ENKUR: variants seen among roughly 807,000 people sequenced by gnomAD.
ENKUR encodes the protein enkurin, TRPC channel interacting protein.
In ENKUR, 19 loss-of-function variants were observed where a neutral mutation model predicts 27.6. That is an observed-to-expected ratio of 0.69 (90% CI 0.48 to 1.01). The LOEUF is 1.01. Ranked by LOEUF, ENKUR falls within the 50% of genes least tolerant of loss-of-function variation. The pLI, the probability that ENKUR is intolerant of heterozygous loss-of-function variation, is 0.00. For synonymous variants in ENKUR, 117 were observed against 96.9 expected (o/e 1.21, Z -1.22); for missense variants, 312 against 310.5 (o/e 1.00, Z -0.04).
rs1444520770 is a variant in ENKUR, at chr10:24,984,432, A to G, written c.765-56T>C. ...CTGAGTGCTGACTTTATTTTTCAGGACCTAGAAATTAATGTTTATGTGAAA... is the reference window on the plus strand; with the variant it reads ...CTGAGTGCTGACTTTATTTTTCAGGGCCTAGAAATTAATGTTTATGTGAAA... On this transcript the variant is annotated intron_variant, in intron 5 of 5. Coordinates refer to ENST00000331161, the MANE Select transcript of ENKUR (RefSeq NM_145010.4). The G allele has an allele frequency of 3.2e-6, 5 of 1,547,420 alleles. No homozygotes were observed. The African/African-American group carries it at 4.2e-5, about 13-fold the overall frequency.
intron 4 of ENKUR, among the ~76,000 whole-genome samples, chr10:24,985,392 G>C (rs553305590): frequency 9.9e-5 from 15 of 152,100 alleles, no homozygotes; most frequent in African/African-American, 3.4e-4. Flanking sequence ...CTAACAAATG[G>C]GATTGTAAAA....
chr10:25,015,157 A>T (rs574407379), intron 1 of ENKUR, among the ~76,000 whole-genome samples: 1 of 152,324 alleles, frequency 6.6e-6, no homozygotes, highest in African/African-American at 2.4e-5. Context: ...AGAAGTCCCT[A>T]CAGATGGGAG....
At chr10:25,021,340 A>G (rs886820215) in intron 2 of ENKUR, among the ~76,000 whole-genome samples, 58 of 152,346 alleles carry the variant, frequency 3.8e-4, no homozygotes, top group African/African-American at 1.3e-3. Flanking sequence ...ATGAATATAT[A>G]GTGATTTTGA....
chr10:25,015,607 T>C (rs1481674736), intron 1 of ENKUR, among the ~76,000 whole-genome samples: 1 of 152,160 alleles, frequency 6.6e-6, no homozygotes, highest in Non-Finnish European at 1.5e-5. Flanking sequence ...TCACATACCG[T>C]ATTAATAAGA....
At chr10:25,058,788 A>T (rs973197058) in intron 2 of ENKUR, among the ~76,000 whole-genome samples, 4 of 152,026 alleles carry the variant, frequency 2.6e-5, no homozygotes, top group African/African-American at 9.7e-5. Context: ...AAAATTAGCC[A>T]GGTGTAGTGG....
At chr10:24,995,609 G>A in intron 3 of ENKUR, 37 bp downstream of exon 3, 1 of 1,523,280 alleles carries the variant, frequency 6.6e-7, no homozygotes. Context: ...TAAATTATTT[G>A]AATTTCAGCC....
chr10:25,027,356 T>TTAAAAAAAA (rs1564352066), intron 2 of ENKUR, among the ~76,000 whole-genome samples: 2 of 45,736 alleles, frequency 4.4e-5, no homozygotes, highest in East Asian at 6.0e-4. Context: ...GACTCCCGTC[T>TTAAAAAAAA]CAAAAAAAAA....
chr10:25,053,505 T>C (rs1851211701), intron 2 of ENKUR, among the ~76,000 whole-genome samples: 1 of 152,180 alleles, frequency 6.6e-6, no homozygotes, highest in Non-Finnish European at 1.5e-5. Flanking sequence ...TTCACTGTTT[T>C]AGATTCTGCA....
At chr10:25,023,495 T>G in intron 2 of ENKUR, 1 of 1,614,138 alleles carries the variant, frequency 6.2e-7, no homozygotes, top group Non-Finnish European at 8.5e-7. Context: ...GATGATATCC[T>G]TGAAAAAACC....
At chr10:25,045,380 G>A (rs1193178392) in intron 2 of ENKUR, among the ~76,000 whole-genome samples, 3 of 151,864 alleles carry the variant, frequency 2.0e-5, no homozygotes, top group Non-Finnish European at 2.9e-5. Context: ...AAAAGTAAGA[G>A]GATAATATGA....
intron 2 of ENKUR, chr10:25,025,447 T>G: frequency 6.3e-7 from 1 of 1,599,384 alleles, no homozygotes; most frequent in Non-Finnish European, 8.5e-7. Flanking sequence ...CCAAAATCAA[T>G]TCATATGAAA....
rs201770433 is a variant in ENKUR, at chr10:24,995,830, A to C, written c.263T>G (p.Val88Gly). ...FDRNVPKKPA[V>G]PLKTDHPVMG... ...GACAGGATGATCAGTCTTCAATGGCACAGCAGGCTTTTTGGGCACGTTCCG... is the reference window on the plus strand; with the variant it reads ...GACAGGATGATCAGTCTTCAATGGCCCAGCAGGCTTTTTGGGCACGTTCCG... The change falls in exon 3 of 6, where the codon GTG becomes GGG. Residue 88 changes from valine to glycine, a missense_variant. Physicochemically the swap from Val to Gly is moderately radical, Grantham distance 109. Coordinates refer to ENST00000331161, the MANE Select transcript of ENKUR (RefSeq NM_145010.4). 85 of 1,611,984 alleles carry C rather than the reference A, an allele frequency of 5.3e-5. No individual in the cohort carries two copies. Among genetic ancestry groups the C allele is most frequent in the Non-Finnish European group, 7.0e-5 (83 of 1,179,632 alleles).
chr10:24,990,415 G>C, intron 4 of ENKUR, 48 bp downstream of exon 4: 1 of 1,566,592 alleles, frequency 6.4e-7, no homozygotes. Context: ...CTTTCTTTCA[G>C]AGATGATCCA....
intron 2 of ENKUR, among the ~76,000 whole-genome samples, chr10:25,041,680 C>G (rs571780608): frequency 3.7e-4 from 57 of 152,228 alleles, no homozygotes; most frequent in African/African-American, 1.3e-3. Flanking sequence ...TCTGTCATCC[C>G]CATTCTTATG....
chr10:25,061,993 G>T (rs971866494), intron 1 of ENKUR, among the ~76,000 whole-genome samples: 4 of 152,182 alleles, frequency 2.6e-5, no homozygotes, highest in African/African-American at 9.6e-5. Context: ...GGGGGTATTT[G>T]CACAGAGAAA....
intron 2 of ENKUR, among the ~76,000 whole-genome samples, chr10:25,058,701 C>T (rs374025063): frequency 2.6e-5 from 4 of 151,788 alleles, no homozygotes; most frequent in Admixed American, 6.6e-5. Context: ...GAGGCGTAGG[C>T]GAGCTGATCA....
chr10:25,005,849 G>A (rs1251976828), intron 1 of ENKUR, among the ~76,000 whole-genome samples: 2 of 152,142 alleles, frequency 1.3e-5, no homozygotes, highest in Non-Finnish European at 2.9e-5. Context: ...CCTCTCACAA[G>A]CTGTTGAGTG....
At chr10:25,024,774 A>C (rs775833140) in intron 2 of ENKUR, 1 of 1,614,204 alleles carries the variant, frequency 6.2e-7, no homozygotes. Flanking sequence ...TTTTAGCAGC[A>C]GTGTATGCCA....
chr10:25,017,316 A>T (rs995488786), upstream of ENKUR, among the ~76,000 whole-genome samples: 5 of 152,172 alleles, frequency 3.3e-5, no homozygotes, highest in African/African-American at 1.2e-4. Context: ...TAGGAAAGTC[A>T]TTTAGACGCT....
Sources: allele counts gnomAD v4.1 joint callset (sites outside exome capture counted in the v4.1 genomes callset), GRCh38; gene constraint gnomAD v4.1.1; transcripts MANE v1.5; gene names NCBI Gene and HGNC (gene_info 2026-07-23, HGNC 2026-07-21).